Variants in PPP1R12B observed in about 807,000 individuals in gnomAD.
PPP1R12B encodes the protein myosin phosphatase target subunit 2.
A neutral mutation model predicts 126.1 loss-of-function variants in PPP1R12B; 76 were observed. The observed-to-expected ratio is 0.60, with a 90% CI of 0.50 to 0.73. The LOEUF (loss-of-function observed/expected upper bound fraction) is 0.73, where lower values mean the gene tolerates loss of function less well. Among genes scored for constraint, PPP1R12B ranks in the 30% least tolerant of loss-of-function variants. The probability of loss-of-function intolerance (pLI) is 0.00; values close to 1 mark genes in which losing one functional copy is unlikely to be tolerated. For missense variants in PPP1R12B, 1,052 were observed against 1,205.1 expected (o/e 0.87, Z 1.88); for synonymous variants, 356 against 434.7 (o/e 0.82, Z 2.25).
chr1:202,445,301 A>G (rs1052506601), intron 12 of PPP1R12B: 2 of 1,142,712 alleles, frequency 1.8e-6, no homozygotes, highest in African/African-American at 3.2e-5. Flanking sequence ...TGAAATTTGA[A>G]CCAAAGAGAC....
At chr1:202,489,246 A>G (rs973292108) in intron 14 of PPP1R12B, among the ~76,000 whole-genome samples, 5 of 152,224 alleles carry the variant, frequency 3.3e-5, no homozygotes, top group Non-Finnish European at 5.9e-5. Flanking sequence ...TTGTGCTTAA[A>G]GACCTTAAGA....
chr1:202,367,328 A>G (rs1390848246), intron 1 of PPP1R12B, among the ~76,000 whole-genome samples: 3 of 152,192 alleles, frequency 2.0e-5, no homozygotes, highest in Non-Finnish European at 4.4e-5. Flanking sequence ...CTACTTACAT[A>G]AGCTTTATGT....
chr1:202,580,755 A>C lies in PPP1R12B; in HGVS notation c.*195A>C. 1.1e-5 allele frequency: 6 copies of C among 538,276 alleles called. No individual in the cohort carries two copies. The highest frequency in any genetic ancestry group is 2.0e-5 in the Non-Finnish European group (6 of 296,356). The allele number at this position is 538,276 out of a possible 1,614,324, so 33.3% of individuals were successfully genotyped here. A position where few individuals can be genotyped will look rare whatever the true frequency, so the allele number is the denominator to read the frequency against. On this transcript the variant is annotated 3_prime_UTR_variant, in exon 24 of 24. Coordinates refer to ENST00000608999, the MANE Select transcript of PPP1R12B (RefSeq NM_002481.4). ...CAATGCCCTGTTCTTCCAAACCCCTATCCCAAGTTTTATGACAGTTTTAAT... is the reference window on the plus strand; with the variant it reads ...CAATGCCCTGTTCTTCCAAACCCCTCTCCCAAGTTTTATGACAGTTTTAAT...
intron 23 of PPP1R12B, chr1:202,575,342 T>A: frequency 3.0e-6 from 2 of 661,890 alleles, no homozygotes; most frequent in Non-Finnish European, 2.4e-6. Flanking sequence ...AGGGAGGCAG[T>A]GAGAGAGACC....
intron 18 of PPP1R12B, among the ~76,000 whole-genome samples, chr1:202,523,633 T>C (rs1448132124): frequency 1.3e-5 from 2 of 152,236 alleles, no homozygotes; most frequent in Non-Finnish European, 2.9e-5. Flanking sequence ...TCATTTACTA[T>C]GCACAAAATG....
At chr1:202,379,522 C>T (rs1375515426) in intron 1 of PPP1R12B, among the ~76,000 whole-genome samples, 7 of 152,208 alleles carry the variant, frequency 4.6e-5, no homozygotes. Context: ...TGTCTCATAA[C>T]TCTGTCTTCT....
chr1:202,481,661 G>GT lies in PPP1R12B; in HGVS notation c.1851-6871dup, dbSNP rs532502417. ...TGATGTTTTGATGCATATCTGTGTT[G>GT]TATAATGATCTAATCAGAGTAGTTA... On this transcript the variant is annotated intron_variant, in intron 13 of 23. Coordinates refer to ENST00000608999, the MANE Select transcript of PPP1R12B (RefSeq NM_002481.4). Among the ~76,000 whole-genome samples, 453 of 152,214 alleles carry GT rather than the reference G, an allele frequency of 3.0e-3. 2 individuals are homozygous for GT. The highest frequency in any genetic ancestry group is 8.0e-3 in the Admixed American group (122 of 15,292).
intron 18 of PPP1R12B, among the ~76,000 whole-genome samples, chr1:202,497,252 G>A (rs1679674375): frequency 6.6e-6 from 1 of 152,214 alleles, no homozygotes. Context: ...TTGACTTTGA[G>A]ATAAGATTAA....
At chr1:202,441,930 C>A (rs551278854) in intron 11 of PPP1R12B, among the ~76,000 whole-genome samples, 1 of 152,040 alleles carries the variant, frequency 6.6e-6, no homozygotes, top group Admixed American at 6.5e-5. Flanking sequence ...GATCTTGGCT[C>A]ATTGCAGCCT....
At chr1:202,395,611 A>C (rs552972615) in intron 1 of PPP1R12B, among the ~76,000 whole-genome samples, 3 of 152,220 alleles carry the variant, frequency 2.0e-5, no homozygotes, top group African/African-American at 4.8e-5. Flanking sequence ...CCTCTAATGC[A>C]TCTGGCTTTT....
chr1:202,438,803 T>A, intron 10 of PPP1R12B: 1 of 803,218 alleles, frequency 1.2e-6, no homozygotes, highest in African/African-American at 1.7e-5. Flanking sequence ...AGGCCCTGGA[T>A]CTTAGTGTCT....
chr1:202,431,473 A>G lies in PPP1R12B; in HGVS notation c.1002-7A>G, dbSNP rs376803667. 6.9e-6 allele frequency: 11 copies of G among 1,584,350 alleles called. No individual in the cohort carries two copies. In the African/African-American group the frequency reaches 1.5e-4, roughly 22 times the overall value. The stretch of plus-strand genomic sequence containing the variant: ...GAATTATACTCAAGTTGTCATCTTT[A>G]ATTTAGCAAAGAGAAGATGCTCTAT... On this transcript the variant is annotated splice_polypyrimidine_tract_variant and splice_region_variant and intron_variant, in intron 7 of 23. Coordinates refer to ENST00000608999, the MANE Select transcript of PPP1R12B (RefSeq NM_002481.4).
At chr1:202,410,624 T>C (rs544502753) in intron 1 of PPP1R12B, among the ~76,000 whole-genome samples, 1 of 152,324 alleles carries the variant, frequency 6.6e-6, no homozygotes, top group African/African-American at 2.4e-5. Context: ...GCCTTTGATA[T>C]GGAGAGAGCA....
intron 1 of PPP1R12B, among the ~76,000 whole-genome samples, chr1:202,353,857 C>A (rs1156588046): frequency 6.6e-6 from 1 of 152,004 alleles, no homozygotes; most frequent in Non-Finnish European, 1.5e-5. Flanking sequence ...AAACAATCCT[C>A]CCCCCTCGGC....
intron 1 of PPP1R12B, among the ~76,000 whole-genome samples, chr1:202,355,240 T>G (rs2148382638): frequency 6.6e-6 from 1 of 152,312 alleles, no homozygotes; most frequent in Middle Eastern, 3.4e-3. Flanking sequence ...GAGGTTTTCT[T>G]AGATTCTTAA....
At chr1:202,563,642 A>G (rs576253048) in intron 20 of PPP1R12B, among the ~76,000 whole-genome samples, 2 of 151,772 alleles carry the variant, frequency 1.3e-5, no homozygotes, top group East Asian at 3.9e-4. Context: ...AAAAAAAAAA[A>G]AAGAAAAGAA....
At chr1:202,538,800 C>G (rs1684811682) in intron 18 of PPP1R12B, among the ~76,000 whole-genome samples, 1 of 152,242 alleles carries the variant, frequency 6.6e-6, no homozygotes, top group Non-Finnish European at 1.5e-5. Context: ...AAATTCCTCT[C>G]TTTTTAATTT....
chr1:202,540,276 C>T (rs1410729208), intron 18 of PPP1R12B: 1 of 1,496,616 alleles, frequency 6.7e-7, no homozygotes, highest in African/African-American at 1.4e-5. Flanking sequence ...ATGTTCATAG[C>T]TGTGTCAAAG....
In PPP1R12B at chr1:202,549,707, C is replaced by T. The variant is rs180675785; in HGVS notation, c.2491-9170C>T. On this transcript the variant is annotated intron_variant, in intron 18 of 23. Transcript: ENST00000608999. Reference sequence around the variant, plus strand: ...TGCTGGTATTACACGCATGAGCCACCGTGCCCGGCCAACTTTCTTGAATTA... The same window carrying T: ...TGCTGGTATTACACGCATGAGCCACTGTGCCCGGCCAACTTTCTTGAATTA... Among the ~76,000 whole-genome samples, 719 of 152,242 alleles carry T rather than the reference C, an allele frequency of 4.7e-3. 8 individuals carry two copies. Among genetic ancestry groups the T allele is most frequent in the Non-Finnish European group, 7.7e-3 (521 of 68,004 alleles).
Sources: allele counts gnomAD v4.1 joint callset (sites outside exome capture counted in the v4.1 genomes callset), GRCh38; gene constraint gnomAD v4.1.1; transcripts MANE v1.5; gene names NCBI Gene and HGNC (gene_info 2026-07-23, HGNC 2026-07-21).